Variants in VARS2 observed in about 807,000 individuals in gnomAD.
VARS2 encodes the protein valine--tRNA ligase, mitochondrial.
VARS2 carries 105 observed loss-of-function variants against 154.1 expected under a neutral mutation model. That is an observed-to-expected ratio of 0.68 (90% CI 0.58 to 0.80). The LOEUF is 0.80. Among genes scored for constraint, VARS2 ranks in the 30% least tolerant of loss-of-function variants. The pLI, the probability that VARS2 is intolerant of heterozygous loss-of-function variation, is 0.00. For synonymous variants in VARS2, 483 were observed against 539.5 expected (o/e 0.90, Z 1.45); for missense variants, 1,157 against 1,361.4 (o/e 0.85, Z 2.36).
At chr6:30,923,281 G>T (rs1395871984) in intron 24 of VARS2, 50 bp downstream of exon 24, 2 of 1,608,630 alleles carry the variant, frequency 1.2e-6, no homozygotes, top group Non-Finnish European at 1.7e-6. Flanking sequence ...GTGTCAGAGG[G>T]CCAAGGTGGC....
chr6:30,917,036 G>A lies in VARS2; in HGVS notation c.754-69G>A. 1 of 1,613,632 alleles carries A rather than the reference G, an allele frequency of 6.2e-7. No homozygotes were observed. Among genetic ancestry groups the A allele is most frequent in the Non-Finnish European group, 8.5e-7 (1 of 1,179,570 alleles). On this transcript the variant is annotated intron_variant, in intron 8 of 29. Transcript: ENST00000676266. This position sits in a 1 kb window ranked among gnomAD's most constrained non-coding sequence, Gnocchi z 4.4. Reference sequence around the variant, plus strand: ...CTGTGTGGGGCAGGGAGGAAGCAATGCCTGGGTCCCTGAGCAGGGTGATGG... The same window carrying A: ...CTGTGTGGGGCAGGGAGGAAGCAATACCTGGGTCCCTGAGCAGGGTGATGG...
In VARS2 at chr6:30,915,355, A is replaced by T; in HGVS notation, c.284A>T (p.Asp95Val). 6.2e-7 allele frequency: 1 copy of T among 1,614,168 alleles called. No homozygotes were observed. Among genetic ancestry groups the T allele is most frequent in the Non-Finnish European group, 8.5e-7 (1 of 1,180,016 alleles). Residue 95 changes from aspartate to valine, a missense_variant and splice_region_variant, in exon 4 of 30, where the codon GAT becomes GTT. Coordinates refer to ENST00000676266, the MANE Select transcript of VARS2 (RefSeq NM_020442.6). Reference protein sequence around the residue: ...EIPTKPGEKKDVSGPLPPAYS... With the variant: ...EIPTKPGEKKVVSGPLPPAYS... ...GTGGAGCTCTCCTCTGCCTTCACAG[A>T]TGTCTCTGGGCCCCTGCCTCCTGCA...
Position 30,925,937 on chromosome 6 carries a change from C to G in VARS2, c.3019C>G (p.Gln1007Glu), listed in dbSNP as rs1358408461. ...GTTAGCCGCCCGAAGGTACAAGTTG[C>G]AGAAGCAGCTTGACAGCCTCACAGC... ...PLLAARRYKL[Q>E]KQLDSLTART... Residue 1007 changes from glutamine (Q) to glutamate (E), a missense_variant, in exon 29 of 30, where the codon CAG (glutamine) becomes GAG (glutamate). Physicochemically the swap from Gln to Glu is conservative, Grantham distance 29. Coordinates refer to ENST00000676266, the MANE Select transcript of VARS2 (RefSeq NM_020442.6). 2 of 1,612,954 alleles carry G rather than the reference C, an allele frequency of 1.2e-6. No homozygotes were observed. Among genetic ancestry groups the G allele is most frequent in the Non-Finnish European group, 1.7e-6 (2 of 1,180,038 alleles).
Position 30,919,002 on chromosome 6 carries a change from T to G in VARS2, c.1074+87T>G, listed in dbSNP as rs1318306961. ...GTTTTAAATGGTGGCTCTTTCTCTC[T>G]TGCTTCTACTTCCTTTTCCTGAGAC... On this transcript the variant is annotated intron_variant, in intron 11 of 29. Transcript: ENST00000676266. This position sits in a 1 kb window ranked among gnomAD's most constrained non-coding sequence, Gnocchi z 4.5. 7.4e-6 allele frequency: 9 copies of G among 1,221,580 alleles called. No individual in the cohort carries two copies. The highest frequency in any genetic ancestry group is 1.1e-5 in the Non-Finnish European group (9 of 838,686). The allele number at this position is 1,221,580 out of a possible 1,614,324, so 75.7% of individuals were successfully genotyped here.
rs141974166 is a variant in VARS2, at chr6:30,926,099, C to G, written c.3091-10C>G. The G allele has an allele frequency of 1.2e-6, 2 of 1,612,978 alleles. No individual in the cohort carries two copies. The highest frequency in any genetic ancestry group is 2.7e-5 in the African/African-American group (2 of 74,944). ...TTCCTGGATCCTCACCTCCTTTTCT[C>G]CTCGTCCAGCTTTCTTCCCTCCAGC... On this transcript the variant is annotated splice_polypyrimidine_tract_variant and intron_variant, in intron 29 of 29. Coordinates refer to ENST00000676266, the MANE Select transcript of VARS2 (RefSeq NM_020442.6).
rs1042738173 is a variant in VARS2, at chr6:30,919,455, G to A, written c.1075-303G>A. The A allele has an allele frequency of 2.2e-5, 6 of 272,726 alleles. No homozygotes were observed. The highest frequency in any genetic ancestry group is 4.9e-5 in the Admixed American group (1 of 20,280). 16.9% of individuals were successfully genotyped at this position (272,726 alleles called of 1,614,324 possible). A position where few individuals can be genotyped will look rare whatever the true frequency, so the allele number is the denominator to read the frequency against. ...CCACCTCGGCCTCCCAAAGTGCTGG[G>A]ATTACAGGCGTGAGCCGCCGCGCCT... On this transcript the variant is annotated intron_variant, in intron 11 of 29. Coordinates refer to ENST00000676266, the MANE Select transcript of VARS2 (RefSeq NM_020442.6). This position sits in a 1 kb window ranked among gnomAD's most constrained non-coding sequence, Gnocchi z 4.5.
rs768915636 is a variant in VARS2, at chr6:30,921,148, G to T, written c.1556+7G>T. On this transcript the variant is annotated splice_region_variant and intron_variant, in intron 16 of 29. Coordinates refer to ENST00000676266, the MANE Select transcript of VARS2 (RefSeq NM_020442.6). The surrounding 1 kb of genome is among the most constrained non-coding windows in gnomAD (Gnocchi z 4.6). ...ACTGGTTTTCCCATATTGGGTAAGG[G>T]TAGGGTAAGGGGAGCTCTTGTGGAG... 5 of 1,613,872 alleles carry T rather than the reference G, an allele frequency of 3.1e-6. No individual in the cohort carries two copies. The African/African-American group carries it at 6.7e-5, about 22-fold the overall frequency.
Position 30,921,890 on chromosome 6 carries a change from G to GA in VARS2, c.1736-35_1736-34insA. 6.2e-7 allele frequency: 1 copy of GA among 1,612,260 alleles called. No homozygotes were observed. Among genetic ancestry groups the GA allele is most frequent in the Non-Finnish European group, 8.5e-7 (1 of 1,179,446 alleles). Reference sequence around the variant, plus strand: ...GTGGTCTGAGGTCCTAGAAGCCAAGGTTCCAACTGTCCCCATTCTTTTTCT... The same window carrying GA: ...GTGGTCTGAGGTCCTAGAAGCCAAGGATTCCAACTGTCCCCATTCTTTTTCT... On this transcript the variant is annotated intron_variant, in intron 18 of 29. Transcript: ENST00000676266. The surrounding 1 kb of genome is among the most constrained non-coding windows in gnomAD (Gnocchi z 4.6).
At position 30,922,522 on chromosome 6, in the gene VARS2, C is replaced by T; in HGVS notation, c.2005C>T (p.Pro669Ser). Residue 669 changes from proline to serine, a missense_variant, in exon 21 of 30, where the codon CCA (proline) becomes TCA (serine). By Grantham distance (74) the Pro-to-Ser change is moderately conservative. Coordinates refer to ENST00000676266, the MANE Select transcript of VARS2 (RefSeq NM_020442.6). ...MSKSLGNVLD[P>S]RDIISGVEMQ... ...CAAGTCCCTGGGGAATGTGCTGGAC[C>T]CAAGAGACATCATCAGTGGGGTGGA... 1.3e-6 allele frequency: 2 copies of T among 1,579,524 alleles called. No individual in the cohort carries two copies. Among genetic ancestry groups the T allele is most frequent in the Non-Finnish European group, 1.7e-6 (2 of 1,162,800 alleles).
At chr6:30,924,018 GTGC>G (rs9281080) in intron 25 of VARS2, 46 of 427,558 alleles carry the variant, frequency 1.1e-4, no homozygotes, top group Middle Eastern at 6.3e-4. Flanking sequence ...GTCCCAAGTG[GTGC>G]TGCTGCTGCT....
Position 30,920,945 on chromosome 6 carries a change from G to A in VARS2, c.1480-120G>A. 1 of 1,251,558 alleles carries A rather than the reference G, an allele frequency of 8.0e-7. No individual in the cohort carries two copies. The highest frequency in any genetic ancestry group is 1.1e-6 in the Non-Finnish European group (1 of 915,542). 77.5% of individuals were successfully genotyped at this position (1,251,558 alleles called of 1,614,324 possible). On this transcript the variant is annotated intron_variant, in intron 15 of 29. Transcript: ENST00000676266. The surrounding 1 kb of genome is among the most constrained non-coding windows in gnomAD (Gnocchi z 4.6). The stretch of plus-strand genomic sequence containing the variant: ...ATCCTTACTCAAGCCCAGAATCTTG[G>A]CAAGAGGCTTGGGAGGTCCTTTCTG...
rs757900564 is a variant in VARS2 at position 30,920,763 on chromosome 6, G to A, written c.1479+14G>A. The A allele has an allele frequency of 2.4e-5, 37 of 1,566,510 alleles. No individual in the cohort carries two copies. In the South Asian group the frequency reaches 3.9e-4, roughly 17 times the overall value. ...CGAGCTGCCAAGGTGAGGCTGCAGT[G>A]TAGGAAGGACTGGGGCCAGGGGTTG... On this transcript the variant is annotated intron_variant, in intron 15 of 29. Coordinates refer to ENST00000676266, the MANE Select transcript of VARS2 (RefSeq NM_020442.6). This position sits in a 1 kb window ranked among gnomAD's most constrained non-coding sequence, Gnocchi z 4.6.
chr6:30,922,057 C>G (rs780332133), intron 19 of VARS2, 59 bp from the exon 20 acceptor site: 114 of 1,612,224 alleles, frequency 7.1e-5, no homozygotes, highest in Non-Finnish European at 8.1e-5. Flanking sequence ...GGCTGGGCCC[C>G]CACAGAGGCT....
chr6:30,921,176 G>A lies in VARS2; in HGVS notation c.1556+35G>A, dbSNP rs1794486843. 2 of 1,613,770 alleles carry A rather than the reference G, an allele frequency of 1.2e-6. No homozygotes were observed. The highest frequency in any genetic ancestry group is 1.7e-6 in the Non-Finnish European group (2 of 1,179,816). ...GGGTAAGGGGAGCTCTTGTGGAGATGGGGAGGGGGGACTGACTGGTTATTC... is the reference window on the plus strand; with the variant it reads ...GGGTAAGGGGAGCTCTTGTGGAGATAGGGAGGGGGGACTGACTGGTTATTC... On this transcript the variant is annotated intron_variant, in intron 16 of 29. Transcript: ENST00000676266. The surrounding 1 kb of genome is among the most constrained non-coding windows in gnomAD (Gnocchi z 4.6).
chr6:30,914,412 A>T, intron 1 of VARS2, 68 bp downstream of exon 1: 1 of 1,268,464 alleles, frequency 7.9e-7, no homozygotes, highest in African/African-American at 1.5e-5. Context: ...AGGCCTTGGG[A>T]TGGGCGGGAA....
rs774577326 is a variant in VARS2, at chr6:30,921,154, T to A, written c.1556+13T>A. 1.9e-6 allele frequency: 3 copies of A among 1,613,544 alleles called. No homozygotes were observed. The Admixed American group carries it at 5.0e-5, about 27-fold the overall frequency. On this transcript the variant is annotated intron_variant, in intron 16 of 29. Transcript: ENST00000676266. This position sits in a 1 kb window ranked among gnomAD's most constrained non-coding sequence, Gnocchi z 4.6. ...TTTCCCATATTGGGTAAGGGTAGGG[T>A]AAGGGGAGCTCTTGTGGAGATGGGG...
In VARS2 at chr6:30,916,312, A is replaced by G; in HGVS notation, c.671+63A>G. On this transcript the variant is annotated intron_variant, in intron 7 of 29. Transcript: ENST00000676266. The surrounding 1 kb of genome is among the most constrained non-coding windows in gnomAD (Gnocchi z 4.0). Reference sequence around the variant, plus strand: ...CAGATTTGGTTTCTTGCCTCCCACCACTATCACTCCTGACTTGTAATCCTT... The same window carrying G: ...CAGATTTGGTTTCTTGCCTCCCACCGCTATCACTCCTGACTTGTAATCCTT... The G allele has an allele frequency of 5.8e-6, 8 of 1,368,962 alleles. No individual in the cohort carries two copies. Among genetic ancestry groups the G allele is most frequent in the Non-Finnish European group, 8.1e-6 (8 of 991,768 alleles). 84.8% of individuals were successfully genotyped at this position (1,368,962 alleles called of 1,614,324 possible).
At chr6:30,914,644 C>A in intron 1 of VARS2, 166 bp from the exon 2 acceptor site, 1 of 1,053,754 alleles carries the variant, frequency 9.5e-7, no homozygotes, top group Non-Finnish European at 1.3e-6. Flanking sequence ...ATGGCGCTGT[C>A]TGTCGATACC....
rs1464761787 is a variant in VARS2 at position 30,920,874 on chromosome 6, G to C, written c.1479+125G>C. 9.3e-7 allele frequency: 1 copy of C among 1,070,492 alleles called. No individual in the cohort carries two copies. Among genetic ancestry groups the C allele is most frequent in the Non-Finnish European group, 1.3e-6 (1 of 754,586 alleles). The allele number at this position is 1,070,492 out of a possible 1,614,324, so 66.3% of individuals were successfully genotyped here. Reference sequence around the variant, plus strand: ...ACCTCTCCAGCTGTGGTAACTGAGAGGATGTGTGGGATGGAGGCTGGGCGG... The same window carrying C: ...ACCTCTCCAGCTGTGGTAACTGAGACGATGTGTGGGATGGAGGCTGGGCGG... On this transcript the variant is annotated intron_variant, in intron 15 of 29. Coordinates refer to ENST00000676266, the MANE Select transcript of VARS2 (RefSeq NM_020442.6). This position sits in a 1 kb window ranked among gnomAD's most constrained non-coding sequence, Gnocchi z 4.6.
Sources: gnomAD v4.1 joint callset for allele counts on GRCh38, gnomAD v4.1.1 for gene constraint, Gnocchi (gnomAD v3.1) non-coding constraint, MANE v1.5 for transcripts, NCBI Gene and HGNC (gene_info 2026-07-23, HGNC 2026-07-21) for gene names.